Variants in GATB observed in about 807,000 individuals in gnomAD.
GATB encodes the protein glutamyl-tRNA(Gln) amidotransferase subunit B, mitochondrial.
In GATB, 39 loss-of-function variants were observed where a neutral mutation model predicts 62.3. The observed-to-expected ratio is 0.63, with a 90% CI of 0.48 to 0.82. The LOEUF (loss-of-function observed/expected upper bound fraction) is 0.82, where lower values mean the gene tolerates loss of function less well. GATB is among the 40% of genes least tolerant of loss of function. GATB has a pLI of 0.00. For synonymous variants in GATB, 276 were observed against 258.9 expected, an observed-to-expected ratio of 1.07 and a Z score of -0.63; for missense variants, 670 against 684.0, an observed-to-expected ratio of 0.98 and a Z score of 0.23.
At chr4:151,716,297 T>TA in intron 4 of GATB, 166 bp from the exon 5 acceptor site, 3 of 571,056 alleles carry the variant, frequency 5.3e-6, no homozygotes, top group Admixed American at 3.8e-5. Flanking sequence ...TTTTTTTTTT[T>TA]AAAGAGGCGT....
intron 2 of GATB, among the ~76,000 whole-genome samples, chr4:151,757,900 C>T (rs897216228): frequency 1.3e-5 from 2 of 152,128 alleles, no homozygotes; most frequent in African/African-American, 2.4e-5. Flanking sequence ...GCAGGAAACC[C>T]CAAACACAGT....
intron 9 of GATB, among the ~76,000 whole-genome samples, chr4:151,689,336 T>C (rs1206310581): frequency 1.3e-5 from 2 of 152,164 alleles, no homozygotes; most frequent in Admixed American, 6.5e-5. Flanking sequence ...GTTTTCAAAG[T>C]GAGGGAGAAC....
chr4:151,737,555 C>T (rs1008666159), intron 2 of GATB, among the ~76,000 whole-genome samples: 1 of 152,182 alleles, frequency 6.6e-6, no homozygotes, highest in Non-Finnish European at 1.5e-5. Context: ...CATAAATCTG[C>T]GTAAGTAATG....
chr4:151,711,962 C>G (rs1342745506), intron 5 of GATB, among the ~76,000 whole-genome samples: 2 of 152,174 alleles, frequency 1.3e-5, no homozygotes, highest in East Asian at 1.9e-4. Flanking sequence ...CCATTAAGCT[C>G]AAAGGAAAAC....
intron 2 of GATB, among the ~76,000 whole-genome samples, chr4:151,734,169 C>A (rs976542636): frequency 6.6e-6 from 1 of 152,124 alleles, no homozygotes; most frequent in South Asian, 2.1e-4. Context: ...TGTCTGCTGA[C>A]GATATGATCT....
chr4:151,713,945 T>A (rs1182956374), intron 5 of GATB, among the ~76,000 whole-genome samples: 1 of 152,222 alleles, frequency 6.6e-6, no homozygotes, highest in Non-Finnish European at 1.5e-5. Flanking sequence ...CACCTACTTC[T>A]CAGCAATGTC....
Position 151,701,372 on chromosome 4 carries a change from A to C in GATB, c.1154T>G (p.Val385Gly). ...TTCCAGCAGCATCCCATACTGTTGG[A>C]CAAGCTTCTCTCGGGTCACACTGGG... is the stretch of plus-strand genomic sequence containing the variant. ...ELPSVTREKL[V>G]QQYGMLLEHS... Residue 385 changes from valine (V) to glycine (G), a missense_variant, in exon 9 of 13, where the codon GTC (valine) becomes GGC (glycine). Val to Gly is a moderately radical substitution (Grantham distance 109). Transcript: ENST00000263985. 1 of 1,592,164 alleles carries C rather than the reference A, an allele frequency of 6.3e-7. No homozygotes were observed. The highest frequency in any genetic ancestry group is 1.1e-5 in the South Asian group (1 of 87,310).
At chr4:151,671,850 C>A (rs954440702) in intron 12 of GATB, among the ~76,000 whole-genome samples, 38 of 152,102 alleles carry the variant, frequency 2.5e-4, no homozygotes, top group Non-Finnish European at 4.3e-4. Flanking sequence ...CCAGGAGGTG[C>A]TGAATTCCTA....
In GATB at chr4:151,671,019, G is replaced by A; in HGVS notation, c.*155C>T. On this transcript the variant is annotated 3_prime_UTR_variant, in exon 13 of 13. Coordinates refer to ENST00000263985, the MANE Select transcript of GATB (RefSeq NM_004564.3). Reference sequence around the variant, plus strand: ...CCTCCAGGCACAGGGCCTAGAGGGTGAGAACACTGGTGACATTAATGCCAT... The same window carrying A: ...CCTCCAGGCACAGGGCCTAGAGGGTAAGAACACTGGTGACATTAATGCCAT... 1.1e-6 allele frequency: 1 copy of A among 872,024 alleles called. No individual in the cohort carries two copies. Among genetic ancestry groups the A allele is most frequent in the Non-Finnish European group, 1.8e-6 (1 of 558,572 alleles). The allele number at this position is 872,024 out of a possible 1,614,324, so 54.0% of individuals were successfully genotyped here. A position where few individuals can be genotyped will look rare whatever the true frequency, so the allele number is the denominator to read the frequency against.
At chr4:151,688,380 C>G (rs1738294072) in intron 10 of GATB, among the ~76,000 whole-genome samples, 1 of 152,214 alleles carries the variant, frequency 6.6e-6, no homozygotes, top group Admixed American at 6.5e-5. Context: ...CTGTCTCATT[C>G]ATCTTTGTGC....
intron 5 of GATB, among the ~76,000 whole-genome samples, chr4:151,709,481 C>CAACT (rs1738776577): frequency 1.3e-5 from 2 of 152,250 alleles, no homozygotes; most frequent in African/African-American, 4.8e-5. Context: ...CAGGAAGTCC[C>CAACT]AACTATTCCT....
chr4:151,748,915 T>C (rs1479452880), intron 2 of GATB, among the ~76,000 whole-genome samples: 3 of 152,150 alleles, frequency 2.0e-5, no homozygotes, highest in South Asian at 2.1e-4. Flanking sequence ...AAAATGCTCA[T>C]CATCACTGGC....
chr4:151,704,441 G>C (rs1322914001), intron 7 of GATB, among the ~76,000 whole-genome samples: 2 of 152,202 alleles, frequency 1.3e-5, no homozygotes, highest in East Asian at 3.9e-4. Context: ...ATCCCTATAG[G>C]GTACAGTACT....
chr4:151,675,328 TGTTA>T (rs1473025799), intron 11 of GATB: 1 of 152,244 alleles, frequency 6.6e-6, no homozygotes, highest in East Asian at 1.9e-4. Context: ...GAATACATAA[TGTTA>T]GTTAACTCCA....
At chr4:151,717,546 G>T (rs1738939238) in intron 3 of GATB, among the ~76,000 whole-genome samples, 1 of 152,204 alleles carries the variant, frequency 6.6e-6, no homozygotes, top group South Asian at 2.1e-4. Context: ...GCTAGTGTGT[G>T]TTTAAGCTTG....
chr4:151,698,106 T>C (rs188430948), intron 9 of GATB, among the ~76,000 whole-genome samples: 2 of 151,456 alleles, frequency 1.3e-5, no homozygotes, highest in African/African-American at 2.4e-5. Context: ...GCATGGTTTA[T>C]GTATCTGACC....
rs180681854 is a variant in GATB at position 151,678,416 on chromosome 4, G to T, written c.1410+1397C>A. 1.3e-3 allele frequency among the ~76,000 whole-genome samples: 193 copies of T among 150,902 alleles called. 1 individual carries two copies. Among genetic ancestry groups the T allele is most frequent in the Non-Finnish European group, 2.0e-3 (138 of 67,922 alleles). On this transcript the variant is annotated intron_variant, in intron 11 of 12. Coordinates refer to ENST00000263985, the MANE Select transcript of GATB (RefSeq NM_004564.3). ...AGGTTTTTCCCTTCTTTCATTTCACGTGCAATAATTCAATGTGTTCTTCTC... is the reference window on the plus strand; with the variant it reads ...AGGTTTTTCCCTTCTTTCATTTCACTTGCAATAATTCAATGTGTTCTTCTC...
At chr4:151,676,248 T>C (rs1389244740) in intron 11 of GATB, 1 of 152,170 alleles carries the variant, frequency 6.6e-6, no homozygotes, top group African/African-American at 2.4e-5. Context: ...TATATAACAT[T>C]TTGTACATTA....
intron 11 of GATB, among the ~76,000 whole-genome samples, chr4:151,678,044 G>C (rs1467730267): frequency 6.6e-6 from 1 of 151,224 alleles, no homozygotes; most frequent in Non-Finnish European, 1.5e-5. Flanking sequence ...ATTTTTTTAT[G>C]ATCAACATAT....
Sources: gnomAD v4.1 joint callset for allele counts (sites outside exome capture counted in the v4.1 genomes callset) on GRCh38, gnomAD v4.1.1 for gene constraint, MANE v1.5 for transcripts, NCBI Gene and HGNC (gene_info 2026-07-23, HGNC 2026-07-21) for gene names.